RFX3: variants seen among roughly 807,000 people sequenced by gnomAD.
The protein encoded by RFX3 is regulatory factor X3.
In RFX3, 14 loss-of-function variants were observed where a neutral mutation model predicts 98.6. The ratio of observed to expected loss-of-function variants is 0.14; its 90% CI spans 0.09 to 0.22. The LOEUF is 0.22. Among genes scored for constraint, RFX3 ranks in the 10% least tolerant of loss-of-function variants. RFX3 has a pLI of 1.00. For missense variants in RFX3, 639 were observed against 926.9 expected, an observed-to-expected ratio of 0.69 and a Z score of 4.03; for synonymous variants, 383 against 328.4, an observed-to-expected ratio of 1.17 and a Z score of -1.80.
chr9:3,269,078 A>T (rs904522156), intron 11 of RFX3, among the ~76,000 whole-genome samples: 2 of 152,032 alleles, frequency 1.3e-5, no homozygotes, highest in Non-Finnish European at 2.9e-5. Flanking sequence ...TTTCTAAAAC[A>T]TCACTTTTAA....
chr9:3,466,273 C>T (rs890428847), intron 1 of RFX3, among the ~76,000 whole-genome samples: 1 of 152,106 alleles, frequency 6.6e-6, no homozygotes, highest in African/African-American at 2.4e-5. Flanking sequence ...TGCTTAAGGT[C>T]ATATAGCCAA....
At chr9:3,318,956 G>C (rs1488406534) in intron 4 of RFX3, among the ~76,000 whole-genome samples, 3 of 152,122 alleles carry the variant, frequency 2.0e-5, no homozygotes, top group Non-Finnish European at 4.4e-5. Flanking sequence ...CTCACTAGAA[G>C]CCTATGAGTC....
chr9:3,421,986 TGTAA>T (rs1382119766), intron 1 of RFX3, among the ~76,000 whole-genome samples: 1 of 144,614 alleles, frequency 6.9e-6, no homozygotes. Context: ...ATGATAGTGT[TGTAA>T]GTGACTCTTC....
At chr9:3,470,568 C>T (rs1237769316) in intron 1 of RFX3, among the ~76,000 whole-genome samples, 3 of 152,044 alleles carry the variant, frequency 2.0e-5, no homozygotes, top group South Asian at 2.1e-4. Flanking sequence ...ACCTCGTGAT[C>T]CGCCCGCCTC....
intron 2 of RFX3, among the ~76,000 whole-genome samples, chr9:3,391,791 T>C (rs73385634): frequency 0.016 from 2,447 of 152,306 alleles, 64 homozygotes; most frequent in African/African-American, 0.055. Flanking sequence ...TGATTCTACT[T>C]AAGAAGCAAT....
At chr9:3,347,320 C>CA (rs756082955) in intron 2 of RFX3, among the ~76,000 whole-genome samples, 2,005 of 121,914 alleles carry the variant, frequency 0.016, 23 homozygotes, top group Middle Eastern at 0.027. Flanking sequence ...GATTCTGTCT[C>CA]AAAAAAAAAA....
At chr9:3,249,052 G>T (rs1821045707) in intron 14 of RFX3, among the ~76,000 whole-genome samples, 1 of 152,078 alleles carries the variant, frequency 6.6e-6, no homozygotes, top group Non-Finnish European at 1.5e-5. Context: ...GTGTGTGTAT[G>T]TGTGTGTTTC....
At chr9:3,421,979 A>ATAGTGTTG (rs935361440) in intron 1 of RFX3, among the ~76,000 whole-genome samples, 1 of 149,816 alleles carries the variant, frequency 6.7e-6, no homozygotes, top group Non-Finnish European at 1.5e-5. Flanking sequence ...GGGGATCATG[A>ATAGTGTTG]TAGTGTTGTA....
intron 9 of RFX3, among the ~76,000 whole-genome samples, 158 bp from the exon 10 acceptor site, chr9:3,271,276 G>GA (rs553071510): frequency 8.9e-4 from 120 of 134,614 alleles, no homozygotes; most frequent in Admixed American, 1.3e-3. Flanking sequence ...GGAAGTGGAA[G>GA]AAAAAAAAAA....
intron 15 of RFX3, among the ~76,000 whole-genome samples, chr9:3,245,750 G>A (rs182402894): frequency 6.6e-6 from 1 of 152,190 alleles, no homozygotes; most frequent in African/African-American, 2.4e-5. Flanking sequence ...TGTCTTTGTG[G>A]TTGCTATTAT....
chr9:3,520,195 A>G (rs1314289225), intron 1 of RFX3, among the ~76,000 whole-genome samples: 2 of 152,232 alleles, frequency 1.3e-5, no homozygotes, highest in Non-Finnish European at 2.9e-5. Flanking sequence ...CTATTTTAGC[A>G]AGACCAGTAT....
chr9:3,397,000 ATTATAGTC>A (rs1840961238), intron 1 of RFX3, among the ~76,000 whole-genome samples: 1 of 152,232 alleles, frequency 6.6e-6, no homozygotes, highest in South Asian at 2.1e-4. Flanking sequence ...TCAAAATTCG[ATTATAGTC>A]TTATACAAAG....
At chr9:3,461,608 T>C (rs1002980122) in intron 1 of RFX3, among the ~76,000 whole-genome samples, 20 of 151,928 alleles carry the variant, frequency 1.3e-4, no homozygotes. Flanking sequence ...AACATAACAA[T>C]TACCACTGAC....
chr9:3,273,379 A>G (rs1238231688), intron 9 of RFX3, among the ~76,000 whole-genome samples: 1 of 152,186 alleles, frequency 6.6e-6, no homozygotes, highest in Non-Finnish European at 1.5e-5. Flanking sequence ...AGATTATAAT[A>G]TATGTCCCTA....
At chr9:3,393,839 G>A (rs1301323101) in intron 2 of RFX3, among the ~76,000 whole-genome samples, 1 of 152,150 alleles carries the variant, frequency 6.6e-6, no homozygotes, top group Non-Finnish European at 1.5e-5. Flanking sequence ...GAGAGAGGGT[G>A]GGAAGGGGAT....
At chr9:3,283,700 T>C (rs1826214223) in intron 7 of RFX3, among the ~76,000 whole-genome samples, 1 of 151,778 alleles carries the variant, frequency 6.6e-6, no homozygotes, top group Admixed American at 6.6e-5. Context: ...CATTCTTACT[T>C]CACATCCTGT....
intron 3 of RFX3, among the ~76,000 whole-genome samples, chr9:3,340,505 C>T (rs1455387739): frequency 1.3e-5 from 2 of 152,160 alleles, no homozygotes; most frequent in African/African-American, 4.8e-5. Flanking sequence ...ATCTACTCAT[C>T]TGACAGAGGG....
intron 1 of RFX3, among the ~76,000 whole-genome samples, chr9:3,407,121 TG>T (rs1842040517): frequency 6.6e-6 from 1 of 152,200 alleles, no homozygotes; most frequent in African/African-American, 2.4e-5. Context: ...ATAGCTGAAA[TG>T]CTAAGAATAA....
chr9:3,312,373 C>T (rs760244512), intron 4 of RFX3, among the ~76,000 whole-genome samples: 1 of 152,046 alleles, frequency 6.6e-6, no homozygotes, highest in Non-Finnish European at 1.5e-5. Flanking sequence ...AAACCTTCTT[C>T]GAAGGATCTC....
Sources: gnomAD v4.1 joint callset for allele counts (sites outside exome capture counted in the v4.1 genomes callset) on GRCh38, gnomAD v4.1.1 for gene constraint, MANE v1.5 for transcripts, NCBI Gene and HGNC (gene_info 2026-07-23, HGNC 2026-07-21) for gene names.